Variants in CTCF observed in about 807,000 individuals in gnomAD.
The protein encoded by CTCF is transcriptional repressor CTCF.
CTCF carries 7 observed loss-of-function variants against 72.3 expected under a neutral mutation model. The ratio of observed to expected loss-of-function variants is 0.10; its 90% CI spans 0.06 to 0.18. The LOEUF (loss-of-function observed/expected upper bound fraction) is 0.18, where lower values mean the gene tolerates loss of function less well. Ranked by LOEUF, CTCF falls within the 10% of genes least tolerant of loss-of-function variation. The pLI is 1.00. For missense variants in CTCF, 516 were observed against 949.1 expected, an observed-to-expected ratio of 0.54 and a Z score of 6.00; for synonymous variants, 374 against 315.8, an observed-to-expected ratio of 1.18 and a Z score of -1.95.
At chr16:67,624,632 G>T (rs563779432) in intron 7 of CTCF, among the ~76,000 whole-genome samples, 3 of 151,866 alleles carry the variant, frequency 2.0e-5, no homozygotes, top group Non-Finnish European at 4.4e-5. Context: ...TTGCTCTGTT[G>T]CCCAGGCTGG....
chr16:67,602,213 A>G (rs1488382829), intron 2 of CTCF, among the ~76,000 whole-genome samples: 2 of 152,156 alleles, frequency 1.3e-5, no homozygotes, highest in Non-Finnish European at 1.5e-5. Context: ...CACACCAGAG[A>G]CCAGATAGAA....
intron 2 of CTCF, among the ~76,000 whole-genome samples, chr16:67,571,507 A>C (rs1328663860): frequency 1.3e-5 from 2 of 152,220 alleles, no homozygotes; most frequent in African/African-American, 4.8e-5. Flanking sequence ...TGAGAGAATA[A>C]CACCACCAAT....
At chr16:67,600,256 A>G (rs1484879530) in intron 2 of CTCF, among the ~76,000 whole-genome samples, 1 of 151,656 alleles carries the variant, frequency 6.6e-6, no homozygotes, top group African/African-American at 2.4e-5. Context: ...TTTATTTTTG[A>G]GGAACAGAGT....
At chr16:67,616,667 GT>G in intron 4 of CTCF, 77 bp from the exon 5 acceptor site, 2 of 1,534,708 alleles carry the variant, frequency 1.3e-6, no homozygotes, top group East Asian at 2.3e-5. Flanking sequence ...TCTCATAGCA[GT>G]TCTGTGCCAC....
At chr16:67,567,489 T>G (rs1429791140) in intron 1 of CTCF, among the ~76,000 whole-genome samples, 1 of 152,228 alleles carries the variant, frequency 6.6e-6, no homozygotes, top group African/African-American at 2.4e-5. Context: ...TAGCTTCATC[T>G]AAGTATTAGT....
intron 2 of CTCF, among the ~76,000 whole-genome samples, chr16:67,608,605 TCTG>T (rs2052010699): frequency 6.6e-6 from 1 of 152,146 alleles, no homozygotes; most frequent in Non-Finnish European, 1.5e-5. Flanking sequence ...GTTCTAGAGA[TCTG>T]CTACACAACA....
intron 8 of CTCF, chr16:67,627,361 T>TA (rs1294404059): frequency 6.6e-6 from 1 of 151,990 alleles, no homozygotes; most frequent in African/African-American, 2.4e-5. Flanking sequence ...GGCATGGTGA[T>TA]AGACGCCTGT....
intron 2 of CTCF, among the ~76,000 whole-genome samples, chr16:67,608,544 G>A (rs1252412070): frequency 6.6e-6 from 1 of 152,056 alleles, no homozygotes; most frequent in Non-Finnish European, 1.5e-5. Context: ...TGGGGAAAAT[G>A]GGGAATTGCT....
chr16:67,629,227 T>G (rs1597727275), intron 9 of CTCF, among the ~76,000 whole-genome samples, 171 bp from the exon 10 acceptor site: 1 of 151,962 alleles, frequency 6.6e-6, no homozygotes, highest in East Asian at 1.9e-4. Context: ...GAGCCTCCCC[T>G]TAGAGAACCC....
rs187506789 is a variant in CTCF at position 67,589,754 on chromosome 16, A to G, written c.-10+18490A>G. On this transcript the variant is annotated intron_variant, in intron 2 of 11. Transcript: ENST00000264010. Reference sequence around the variant, plus strand: ...TCTCCCTTCCCTGCCTCCAGCCCCAAATGACGCTTCAACACCTAATACCCG... The same window carrying G: ...TCTCCCTTCCCTGCCTCCAGCCCCAGATGACGCTTCAACACCTAATACCCG... Among the ~76,000 whole-genome samples the G allele has an allele frequency of 8.9e-4, 136 of 152,132 alleles. 1 individual carries two copies. The highest frequency in any genetic ancestry group is 3.2e-3 in the African/African-American group (132 of 41,502).
At chr16:67,606,419 C>A (rs909069540) in intron 2 of CTCF, among the ~76,000 whole-genome samples, 1 of 152,186 alleles carries the variant, frequency 6.6e-6, no homozygotes, top group African/African-American at 2.4e-5. Context: ...CACCTTGAAC[C>A]ATTGTGCTAC....
intron 5 of CTCF, among the ~76,000 whole-genome samples, chr16:67,617,107 A>G (rs2052141618): frequency 6.6e-6 from 1 of 152,312 alleles, no homozygotes; most frequent in Non-Finnish European, 1.5e-5. Flanking sequence ...CACGCCTATA[A>G]TCCCAGCACT....
At chr16:67,588,757 G>C (rs2051700724) in intron 2 of CTCF, among the ~76,000 whole-genome samples, 2 of 152,100 alleles carry the variant, frequency 1.3e-5, no homozygotes, top group South Asian at 4.1e-4. Flanking sequence ...CGTGAACTCA[G>C]CTCACTGCAA....
Position 67,611,259 on chromosome 16 carries a change from T to G in CTCF, c.427T>G (p.Ser143Ala), listed in dbSNP as rs768877983. 2.5e-6 allele frequency: 4 copies of G among 1,614,016 alleles called. No individual in the cohort carries two copies. The Admixed American group carries it at 5.0e-5, about 20-fold the overall frequency. The change falls in exon 3 of 12, where the codon TCT becomes GCT. Residue 143 changes from serine to alanine, a missense_variant. By Grantham distance (99) the Ser-to-Ala change is moderately conservative (BLOSUM62 1). Transcript: ENST00000264010. ...TCAGGGGGCTTATGAAAATGAAGTG[T>G]CTAAAGAGGGCCTTGCGGAAAGTGA... ...ELQGAYENEV[S>A]KEGLAESEPM...
intron 10 of CTCF, among the ~76,000 whole-genome samples, chr16:67,631,165 G>GTTTTTTTTTTTTTT (rs931210083): frequency 1.5e-5 from 2 of 131,128 alleles, no homozygotes; most frequent in African/African-American, 6.2e-5. Flanking sequence ...TTTTTTTTTT[G>GTTTTTTTTTTTTTT]TTTTTTGTTT....
intron 7 of CTCF, among the ~76,000 whole-genome samples, chr16:67,624,418 G>C (rs2052253964): frequency 1.3e-5 from 2 of 151,944 alleles, no homozygotes; most frequent in Non-Finnish European, 2.9e-5. Flanking sequence ...GAGATGACTT[G>C]ATCTGTTAGC....
intron 2 of CTCF, among the ~76,000 whole-genome samples, chr16:67,584,761 C>T (rs1345692074): frequency 6.6e-6 from 1 of 152,064 alleles, no homozygotes; most frequent in African/African-American, 2.4e-5. Flanking sequence ...CTGTCAATCC[C>T]TTCATTTTAC....
intron 2 of CTCF, among the ~76,000 whole-genome samples, chr16:67,598,977 G>A (rs1028243714): frequency 1.3e-5 from 2 of 152,250 alleles, no homozygotes; most frequent in Non-Finnish European, 2.9e-5. Flanking sequence ...CAAGTGTTAA[G>A]TTGAGCGTGG....
At position 67,591,458 on chromosome 16, in the gene CTCF, T is replaced by C. The variant is rs2051742890; in HGVS notation, c.-9-19366T>C. Among the ~76,000 whole-genome samples, 6 of 152,198 alleles carry C rather than the reference T, an allele frequency of 3.9e-5. No individual in the cohort carries two copies. The South Asian group carries it at 1.0e-3, about 26-fold the overall frequency. On this transcript the variant is annotated intron_variant, in intron 2 of 11. Coordinates refer to ENST00000264010, the MANE Select transcript of CTCF (RefSeq NM_006565.4). ...CAAGTTATTCTCCCAATTCAACTCC[T>C]CCTCATTCTTTATTGTAGTCTACAA...
Sources: gnomAD v4.1 joint callset for allele counts (sites outside exome capture counted in the v4.1 genomes callset) on GRCh38, gnomAD v4.1.1 for gene constraint, MANE v1.5 for transcripts, NCBI Gene and HGNC (gene_info 2026-07-23, HGNC 2026-07-21) for gene names.